The following NFIB variants were observed in gnomAD, a reference collection of about 807,000 sequenced individuals.
NFIB encodes nuclear factor 1 B-type.
Under a neutral mutation model 61.5 loss-of-function variants are expected in NFIB, and 11 were observed. The observed-to-expected ratio is 0.18, with a 90% CI of 0.11 to 0.30. The LOEUF is 0.30. Ranked by LOEUF, NFIB falls within the 10% of genes least tolerant of loss-of-function variation. The pLI is 1.00. For missense variants in NFIB, 471 were observed against 608.9 expected (o/e 0.77, Z 2.38); for synonymous variants, 260 against 216.5 (o/e 1.20, Z -1.76).
chr9:14,472,029 C>A, the NFIB span, among the ~76,000 whole-genome samples: 1 of 152,168 alleles, frequency 6.6e-6, no homozygotes. Flanking sequence ...CTGCCCTTGG[C>A]ACTCCTGTAA....
At chr9:14,089,377 A>C (rs1455036988) in intron 10 of NFIB, among the ~76,000 whole-genome samples, 2 of 152,002 alleles carry the variant, frequency 1.3e-5, no homozygotes, top group African/African-American at 4.8e-5. Context: ...AAAAAAAAAA[A>C]AAAGACTGGA....
chr9:14,434,614 C>T, the NFIB span, among the ~76,000 whole-genome samples: 2 of 152,178 alleles, frequency 1.3e-5, no homozygotes, highest in Non-Finnish European at 2.9e-5. Context: ...GCCAGAATAG[C>T]TATAGGCCTT....
chr9:14,376,694 T>C (rs552379761), intron 1 of NFIB, among the ~76,000 whole-genome samples: 31 of 152,168 alleles, frequency 2.0e-4, no homozygotes, highest in South Asian at 1.2e-3. Context: ...TTTTTATATT[T>C]TTGGGTAGAG....
intron 2 of NFIB, among the ~76,000 whole-genome samples, chr9:14,275,849 AC>A (rs2132377693): frequency 6.6e-6 from 1 of 152,184 alleles, no homozygotes; most frequent in South Asian, 2.1e-4. Context: ...GAATTCAGTA[AC>A]CATAATCTAT....
intron 1 of NFIB, among the ~76,000 whole-genome samples, chr9:14,390,096 A>G (rs1196887687): frequency 6.6e-6 from 1 of 152,208 alleles, no homozygotes; most frequent in African/African-American, 2.4e-5. Context: ...GAAATACAAT[A>G]TATGTCAACA....
At chr9:14,123,980 C>A (rs2130871494) in intron 7 of NFIB, among the ~76,000 whole-genome samples, 1 of 152,206 alleles carries the variant, frequency 6.6e-6, no homozygotes, top group South Asian at 2.1e-4. Context: ...GTATCTAAAC[C>A]TTCTTCAGGT....
chr9:14,383,905 A>G, intron 1 of NFIB, among the ~76,000 whole-genome samples: 1 of 152,256 alleles, frequency 6.6e-6, no homozygotes, highest in East Asian at 1.9e-4. Flanking sequence ...CAAGAGCGCC[A>G]TGGAAGAGCG....
chr9:14,394,142 G>C (rs77799717), intron 1 of NFIB, among the ~76,000 whole-genome samples: 3,569 of 152,246 alleles, frequency 0.023, 123 homozygotes, highest in African/African-American at 0.08. Flanking sequence ...GAATAAGAAA[G>C]GCCTATCCCT....
At chr9:14,363,918 T>C (rs1207149451) in intron 1 of NFIB, among the ~76,000 whole-genome samples, 1 of 152,180 alleles carries the variant, frequency 6.6e-6, no homozygotes, top group Non-Finnish European at 1.5e-5. Flanking sequence ...TGAAATTGTA[T>C]TGTATGGCTG....
rs909231781 is a variant in NFIB, at chr9:14,185,085, A to G, written c.563-5305T>C. On this transcript the variant is annotated intron_variant, in intron 2 of 10. Coordinates refer to ENST00000380953, the MANE Select transcript of NFIB (RefSeq NM_001190737.2). ...AATAATGACCTTTAAATATTGTTTT[A>G]AAAAAAGTATACTCTATGCCATGTA... 5.6e-4 allele frequency among the ~76,000 whole-genome samples: 11 copies of G among 19,776 alleles called. No homozygotes were observed. In the East Asian group the frequency reaches 0.018, roughly 33 times the overall value. The allele number at this position is 19,776 out of a possible 152,430, so 13.0% of individuals were successfully genotyped here.
intron 2 of NFIB, among the ~76,000 whole-genome samples, chr9:14,224,458 G>A (rs1312262333): frequency 6.6e-6 from 1 of 152,198 alleles, no homozygotes; most frequent in African/African-American, 2.4e-5. Flanking sequence ...CCAGAATGAT[G>A]TACATACACA....
chr9:14,200,034 A>C (rs2048864646), intron 2 of NFIB, among the ~76,000 whole-genome samples: 1 of 152,162 alleles, frequency 6.6e-6, no homozygotes, highest in East Asian at 1.9e-4. Flanking sequence ...AACAGAGTGA[A>C]TCCAGGGACC....
the NFIB span, among the ~76,000 whole-genome samples, chr9:14,437,105 T>C: frequency 6.6e-6 from 1 of 152,198 alleles, no homozygotes; most frequent in Admixed American, 6.5e-5. Flanking sequence ...ACTTGACCTC[T>C]CTGTGTCTCT....
the NFIB span, among the ~76,000 whole-genome samples, chr9:14,519,020 G>A: frequency 1.3e-5 from 2 of 152,178 alleles, no homozygotes; most frequent in Admixed American, 1.3e-4. Context: ...CATCTTTGAT[G>A]GGTCCTTTTG....
At chr9:14,361,818 G>A (rs766857475) in intron 1 of NFIB, 2 of 152,206 alleles carry the variant, frequency 1.3e-5, no homozygotes, top group Non-Finnish European at 2.9e-5. Flanking sequence ...AATGACAGGA[G>A]TAAACAGACT....
At chr9:14,204,403 C>G (rs549671376) in intron 2 of NFIB, 4 of 1,129,788 alleles carry the variant, frequency 3.5e-6, no homozygotes, top group Non-Finnish European at 5.3e-6. Context: ...GAGACCTCGC[C>G]CGCTTTGTGA....
chr9:14,304,146 A>G (rs1179349810), intron 2 of NFIB, among the ~76,000 whole-genome samples: 13 of 152,216 alleles, frequency 8.5e-5, no homozygotes, highest in Admixed American at 8.5e-4. Flanking sequence ...CCCAAACCAT[A>G]TCAGATGCAG....
intron 2 of NFIB, among the ~76,000 whole-genome samples, chr9:14,274,965 G>A (rs557422166): frequency 6.6e-6 from 1 of 152,302 alleles, no homozygotes; most frequent in African/African-American, 2.4e-5. Flanking sequence ...TTAGGCAACA[G>A]ATAAGAGATA....
chr9:14,495,446 C>CTTTGTTTTTTTTTT, the NFIB span, among the ~76,000 whole-genome samples: 1 of 117,264 alleles, frequency 8.5e-6, no homozygotes, highest in African/African-American at 3.8e-5. Context: ...GAGAAATGAA[C>CTTTGTTTTTTTTTT]TTTTTTTTTT....
Sources: gnomAD v4.1 joint callset for allele counts (sites outside exome capture counted in the v4.1 genomes callset) on GRCh38, gnomAD v4.1.1 for gene constraint, MANE v1.5 for transcripts, NCBI Gene and HGNC (gene_info 2026-07-23, HGNC 2026-07-21) for gene names.